The following PRKN variants were observed in gnomAD, a reference collection of about 807,000 sequenced individuals.
The protein encoded by PRKN is E3 ubiquitin-protein ligase parkin.
In PRKN, 56 loss-of-function variants were observed where a neutral mutation model predicts 59.5. The observed-to-expected ratio is 0.94, with a 90% CI of 0.76 to 1.18. PRKN has a LOEUF of 1.18. Among genes scored for constraint, PRKN ranks in the 50% most tolerant of loss-of-function variants. PRKN has a pLI of 0.00. For synonymous variants in PRKN, 250 were observed against 222.1 expected (o/e 1.13, Z -1.12); for missense variants, 657 against 596.4 (o/e 1.10, Z -1.06).
intron 1 of PRKN, among the ~76,000 whole-genome samples, chr6:162,476,518 G>T (rs745599377): frequency 6.6e-6 from 1 of 152,236 alleles, no homozygotes; most frequent in Admixed American, 6.5e-5. Flanking sequence ...AATCCCGTTT[G>T]TATAGGCTTT....
rs182655529 is a variant in PRKN at position 161,372,662 on chromosome 6, C to T, written c.1168-12457G>A. 2.8e-4 allele frequency among the ~76,000 whole-genome samples: 42 copies of T among 152,260 alleles called. No individual in the cohort carries two copies. The highest frequency in any genetic ancestry group is 9.9e-4 in the African/African-American group (41 of 41,556). On this transcript the variant is annotated intron_variant, in intron 10 of 11. Coordinates refer to ENST00000366898, the MANE Select transcript of PRKN (RefSeq NM_004562.3). The surrounding 1 kb of genome is among the most constrained non-coding windows in gnomAD (Gnocchi z 4.2). ...AAGCGCTTGTGCTGTGGCTCCCCCACTACCCCTCTGGGTCTGAATCCATAG... is the reference window on the plus strand; with the variant it reads ...AAGCGCTTGTGCTGTGGCTCCCCCATTACCCCTCTGGGTCTGAATCCATAG...
intron 1 of PRKN, among the ~76,000 whole-genome samples, chr6:162,467,058 C>T (rs184756893): frequency 9.9e-5 from 15 of 152,158 alleles, no homozygotes; most frequent in East Asian, 5.8e-4. Context: ...TCTATTATTA[C>T]GTTTATTTAT....
intron 6 of PRKN, among the ~76,000 whole-genome samples, chr6:161,856,086 G>A (rs1178133342): frequency 6.6e-6 from 1 of 152,156 alleles, no homozygotes; most frequent in Non-Finnish European, 1.5e-5. Flanking sequence ...TCTGCTAGGT[G>A]CGGTGGCTCA....
chr6:162,235,939 AAGGAAGGAAGG>A (rs1778649735), intron 3 of PRKN, among the ~76,000 whole-genome samples: 2 of 99,532 alleles, frequency 2.0e-5, no homozygotes, highest in African/African-American at 1.0e-4. Context: ...GGAAGGAAGG[AAGGAAGGAAGG>A]AAGAAAGGAA....
intron 1 of PRKN, among the ~76,000 whole-genome samples, chr6:162,665,499 G>A (rs1322216402): frequency 3.3e-5 from 5 of 151,950 alleles, no homozygotes; most frequent in Admixed American, 3.3e-4. Flanking sequence ...CCTCTTCAAG[G>A]GGAACTACAA....
intron 4 of PRKN, among the ~76,000 whole-genome samples, chr6:162,174,785 G>A (rs58395696): frequency 0.034 from 5,212 of 152,158 alleles, 328 homozygotes; most frequent in African/African-American, 0.12. Flanking sequence ...AATCCAATTG[G>A]TGTTTTACAA....
At chr6:162,389,267 T>C (rs1446026656) in intron 2 of PRKN, among the ~76,000 whole-genome samples, 4 of 152,050 alleles carry the variant, frequency 2.6e-5, no homozygotes, top group Admixed American at 6.6e-5. Flanking sequence ...CTTAATCCTG[T>C]TGAAAGAAGC....
intron 7 of PRKN, among the ~76,000 whole-genome samples, chr6:161,711,076 T>C (rs1786731548): frequency 6.6e-6 from 1 of 152,074 alleles, no homozygotes; most frequent in Non-Finnish European, 1.5e-5. Context: ...ATAAGAAATC[T>C]AAAAACCTAT....
rs553262863 is a variant in PRKN at position 161,446,905 on chromosome 6, C to T, written c.1084-60028G>A. On this transcript the variant is annotated intron_variant, in intron 9 of 11. Coordinates refer to ENST00000366898, the MANE Select transcript of PRKN (RefSeq NM_004562.3). This position sits in a 1 kb window ranked among gnomAD's most constrained non-coding sequence, Gnocchi z 6.2. ...AACAGCCACTCCCTCAACCAAATAT[C>T]CCTACATTCAGTTAAAAGCTACTCT... 2.2e-4 allele frequency among the ~76,000 whole-genome samples: 34 copies of T among 152,266 alleles called. No individual in the cohort carries two copies. The highest frequency in any genetic ancestry group is 8.2e-4 in the African/African-American group (34 of 41,562).
chr6:162,627,212 T>C (rs1375158656), intron 1 of PRKN, among the ~76,000 whole-genome samples: 1 of 152,176 alleles, frequency 6.6e-6, no homozygotes, highest in African/African-American at 2.4e-5. Flanking sequence ...GGATGCAAGG[T>C]CCTTCCTTAT....
intron 7 of PRKN, among the ~76,000 whole-genome samples, chr6:161,571,895 C>G (rs1436058856): frequency 6.6e-6 from 1 of 152,176 alleles, no homozygotes; most frequent in African/African-American, 2.4e-5. Flanking sequence ...TGCTCTTTCT[C>G]TTCTAGAGCC....
intron 7 of PRKN, among the ~76,000 whole-genome samples, chr6:161,586,603 G>GA (rs1427252374): frequency 1.4e-4 from 21 of 151,308 alleles, no homozygotes; most frequent in East Asian, 3.9e-4. Context: ...TATTTCCACT[G>GA]AAAAAAAAAT....
In PRKN at chr6:161,462,671, G is replaced by A. The variant is rs1790277547; in HGVS notation, c.1084-75794C>T. Among the ~76,000 whole-genome samples, 1 of 152,142 alleles carries A rather than the reference G, an allele frequency of 6.6e-6. No homozygotes were observed. The highest frequency in any genetic ancestry group is 1.5e-5 in the Non-Finnish European group (1 of 68,020). On this transcript the variant is annotated intron_variant, in intron 9 of 11. Transcript: ENST00000366898. The surrounding 1 kb of genome is among the most constrained non-coding windows in gnomAD (Gnocchi z 4.5). The stretch of plus-strand genomic sequence containing the variant: ...AAAATTTAATATGTCATTAACAGAG[G>A]TTAACTTGCTGAAAAATAAGCTGAA...
intron 7 of PRKN, among the ~76,000 whole-genome samples, chr6:161,692,649 G>A (rs1011779833): frequency 2.0e-5 from 3 of 152,232 alleles, no homozygotes; most frequent in Non-Finnish European, 2.9e-5. Flanking sequence ...GCTTACGCCT[G>A]CAATCCCAGC....
intron 1 of PRKN, among the ~76,000 whole-genome samples, chr6:162,685,805 C>T (rs2128233870): frequency 6.6e-6 from 1 of 152,208 alleles, no homozygotes; most frequent in South Asian, 2.1e-4. Context: ...TATTTTTGGC[C>T]AGCAGACCCT....
At chr6:162,235,931 AAGGAAGGAAGGAAGG>A (rs1162292484) in intron 3 of PRKN, among the ~76,000 whole-genome samples, 3 of 97,832 alleles carry the variant, frequency 3.1e-5, no homozygotes, top group African/African-American at 5.2e-5. Flanking sequence ...GGAAGGAAGG[AAGGAAGGAAGGAAGG>A]AAGGAAGAAA....
chr6:162,563,134 T>C (rs7762482), intron 1 of PRKN, among the ~76,000 whole-genome samples: 84,464 of 151,840 alleles, frequency 0.56, 24,004 homozygotes, highest in East Asian at 0.71. Flanking sequence ...AACCCTGTCT[T>C]TACTAAGGAA....
At chr6:161,412,652 A>G (rs1311335504) in intron 9 of PRKN, among the ~76,000 whole-genome samples, 1 of 144,564 alleles carries the variant, frequency 6.9e-6, no homozygotes, top group East Asian at 2.1e-4. Flanking sequence ...TCCTCCACTC[A>G]CTCATTCCTT....
chr6:161,568,589 T>C (rs200781447), intron 8 of PRKN, among the ~76,000 whole-genome samples: 1 of 66,324 alleles, frequency 1.5e-5, no homozygotes, highest in African/African-American at 5.0e-5. Context: ...CAAGACTCCT[T>C]CTCAAAAAAT....
Sources: gnomAD v4.1 joint callset for allele counts (sites outside exome capture counted in the v4.1 genomes callset) on GRCh38, gnomAD v4.1.1 for gene constraint, Gnocchi (gnomAD v3.1) non-coding constraint, MANE v1.5 for transcripts, NCBI Gene and HGNC (gene_info 2026-07-23, HGNC 2026-07-21) for gene names.